SMG6: variants seen among roughly 807,000 people sequenced by gnomAD.
SMG6 encodes the protein SMG6 nonsense mediated mRNA decay factor.
Under a neutral mutation model 142.2 loss-of-function variants are expected in SMG6, and 66 were observed. That is an observed-to-expected ratio of 0.46 (90% CI 0.38 to 0.57). SMG6 has a LOEUF of 0.57. Ranked by LOEUF, SMG6 falls within the 20% of genes least tolerant of loss-of-function variation. The probability of loss-of-function intolerance (pLI) is 0.00; values close to 1 mark genes in which losing one functional copy is unlikely to be tolerated. For missense variants in SMG6, 1,793 were observed against 1,832.0 expected, an observed-to-expected ratio of 0.98 and a Z score of 0.39; for synonymous variants, 779 against 702.4, an observed-to-expected ratio of 1.11 and a Z score of -1.72.
chr17:2,264,009 A>C (rs939703403), intron 8 of SMG6, among the ~76,000 whole-genome samples: 7 of 152,072 alleles, frequency 4.6e-5, no homozygotes, highest in Admixed American at 4.6e-4. Context: ...AACACGGGAA[A>C]AACATAAAGG....
At chr17:2,244,917 A>T (rs1330225605) in intron 8 of SMG6, 198 bp from the exon 9 acceptor site, 1 of 587,686 alleles carries the variant, frequency 1.7e-6, no homozygotes, top group South Asian at 2.0e-5. Flanking sequence ...AGCCAAGATG[A>T]CAACAGGCTC....
intron 14 of SMG6, 187 bp from the exon 15 acceptor site, chr17:2,082,143 C>A: frequency 1.7e-6 from 1 of 600,830 alleles, no homozygotes; most frequent in East Asian, 2.8e-5. Context: ...TGTCACTCTT[C>A]CCCCGGAGCT....
At position 2,158,355 on chromosome 17, in the gene SMG6, GA is replaced by G. The variant is rs983604363; in HGVS notation, c.3357+14302del. On this transcript the variant is annotated intron_variant, in intron 13 of 18. Coordinates refer to ENST00000263073, the MANE Select transcript of SMG6 (RefSeq NM_017575.5). ...AGGGGTGTATGCATGAGCCAAAAAA[GA>G]AAAAAAAAAGTATTGCTAGATAAGC... Among the ~76,000 whole-genome samples the G allele has an allele frequency of 1.3e-4, 19 of 145,856 alleles. No homozygotes were observed. The South Asian group carries it at 2.8e-3, about 21-fold the overall frequency.
intron 13 of SMG6, among the ~76,000 whole-genome samples, chr17:2,135,559 T>C (rs1361777412): frequency 6.6e-6 from 1 of 152,182 alleles, no homozygotes; most frequent in Non-Finnish European, 1.5e-5. Context: ...CTTATGGCAA[T>C]AATGGAAATG....
intron 8 of SMG6, among the ~76,000 whole-genome samples, chr17:2,246,583 A>G (rs911135898): frequency 3.9e-5 from 6 of 152,248 alleles, no homozygotes; most frequent in African/African-American, 1.2e-4. Flanking sequence ...AAAGCTCAGA[A>G]TATTTCATTG....
intron 13 of SMG6, among the ~76,000 whole-genome samples, chr17:2,110,081 CAAAAAAAAA>C (rs57135671): frequency 1.1e-5 from 1 of 87,916 alleles, no homozygotes; most frequent in African/African-American, 3.0e-5. Context: ...GATTCCATCT[CAAAAAAAAA>C]AAAAAAAAAA....
rs1488473743 is a variant in SMG6 at position 2,077,384 on chromosome 17, A to AG, written c.3681+4425dup. Among the ~76,000 whole-genome samples the AG allele has an allele frequency of 1.6e-4, 24 of 151,914 alleles. No homozygotes were observed. In the East Asian group the frequency reaches 4.6e-3, roughly 29 times the overall value. ...AGACGGATTCCTCCTGGGGGAGACC[A>AG]GGGGGGGCTTCACTGGGGAAGTGGA... On this transcript the variant is annotated intron_variant, in intron 15 of 18. Coordinates refer to ENST00000263073, the MANE Select transcript of SMG6 (RefSeq NM_017575.5).
rs781654620 is a variant in SMG6 at position 2,300,361 on chromosome 17, C to T, written c.392G>A (p.Ser131Asn). The T allele has an allele frequency of 3.1e-6, 5 of 1,613,796 alleles. No homozygotes were observed. The Admixed American group carries it at 5.0e-5, about 16-fold the overall frequency. The change falls in exon 2 of 19, where the codon AGT becomes AAT. Residue 131 changes from serine (S) to asparagine (N), a missense_variant. Ser to Asn is a conservative substitution (Grantham distance 46). Coordinates refer to ENST00000263073, the MANE Select transcript of SMG6 (RefSeq NM_017575.5). Reference protein sequence around the residue: ...FPRTAGQEDRSLKIIKRTKKP... With the variant: ...FPRTAGQEDRNLKIIKRTKKP... ...CTTTGTTCTTTTGATAATTTTTAGACTACGATCCTCTTGTCCAGCAGTCCT... is the reference window on the plus strand; with the variant it reads ...CTTTGTTCTTTTGATAATTTTTAGATTACGATCCTCTTGTCCAGCAGTCCT...
At position 2,303,615 on chromosome 17, in the gene SMG6, C is replaced by T; in HGVS notation, c.88+18G>A. 6.9e-7 allele frequency: 1 copy of T among 1,439,542 alleles called. No individual in the cohort carries two copies. Among genetic ancestry groups the T allele is most frequent in the Non-Finnish European group, 9.1e-7 (1 of 1,100,820 alleles). 89.2% of individuals were successfully genotyped at this position (1,439,542 alleles called of 1,614,324 possible). ...GGGGCGGGCAGGCCCGGCCCAGGAG[C>T]TGGGCGGCGCGACTCACCTCTGCTC... On this transcript the variant is annotated intron_variant, in intron 1 of 18. Transcript: ENST00000263073.
intron 13 of SMG6, among the ~76,000 whole-genome samples, chr17:2,128,256 G>A (rs997036333): frequency 1.3e-5 from 2 of 152,212 alleles, no homozygotes; most frequent in African/African-American, 4.8e-5. Flanking sequence ...AGCAGCGGCG[G>A]TCAAGTGCAG....
chr17:2,275,466 C>G (rs1342441205), intron 8 of SMG6, among the ~76,000 whole-genome samples: 1 of 152,042 alleles, frequency 6.6e-6, no homozygotes, highest in Admixed American at 6.6e-5. Context: ...TATCATCTAT[C>G]AACCACTCCC....
At chr17:2,283,801 G>T in intron 6 of SMG6, 66 bp from the exon 7 acceptor site, 3 of 1,275,012 alleles carry the variant, frequency 2.4e-6, no homozygotes, top group South Asian at 1.2e-5. Flanking sequence ...AGAGGCAGCT[G>T]ACTCAGGAAA....
At chr17:2,088,113 C>A in intron 13 of SMG6, 1 of 985,424 alleles carries the variant, frequency 1.0e-6, no homozygotes, top group Non-Finnish European at 1.2e-6. Flanking sequence ...TACACTGGCA[C>A]CCCTGCTAAG....
chr17:2,276,286 G>A (rs1379784583), intron 8 of SMG6, among the ~76,000 whole-genome samples: 2 of 152,086 alleles, frequency 1.3e-5, no homozygotes, highest in Non-Finnish European at 1.5e-5. Flanking sequence ...AATACACAAA[G>A]CATACACACG....
intron 13 of SMG6, among the ~76,000 whole-genome samples, chr17:2,128,702 T>C (rs2069989477): frequency 6.6e-6 from 1 of 151,550 alleles, no homozygotes; most frequent in Non-Finnish European, 1.5e-5. Flanking sequence ...CGTGCACCTG[T>C]AGGCCCAGCT....
intron 13 of SMG6, among the ~76,000 whole-genome samples, chr17:2,153,997 T>C (rs1346591246): frequency 2.9e-5 from 3 of 104,604 alleles, no homozygotes; most frequent in East Asian, 3.2e-4. Context: ...TGACGGTGAC[T>C]GGGGAAACCT....
intron 18 of SMG6, among the ~76,000 whole-genome samples, chr17:2,063,943 A>G (rs958407130): frequency 2.6e-4 from 39 of 152,140 alleles, no homozygotes; most frequent in African/African-American, 8.4e-4. Flanking sequence ...TTTAATGCTC[A>G]TATCTGGTCC....
chr17:2,258,594 G>C (rs1326438345), intron 8 of SMG6, among the ~76,000 whole-genome samples: 2 of 139,248 alleles, frequency 1.4e-5, no homozygotes, highest in East Asian at 4.0e-4. Context: ...TTTGAACCTA[G>C]GAATTCAAGA....
intron 4 of SMG6, among the ~76,000 whole-genome samples, chr17:2,295,492 T>C (rs1481262469): frequency 6.6e-6 from 1 of 152,216 alleles, no homozygotes; most frequent in Non-Finnish European, 1.5e-5. Flanking sequence ...GCTTTATCTC[T>C]CTTCACTACA....
Sources: allele counts gnomAD v4.1 joint callset (sites outside exome capture counted in the v4.1 genomes callset), GRCh38; gene constraint gnomAD v4.1.1; transcripts MANE v1.5; gene names NCBI Gene and HGNC (gene_info 2026-07-23, HGNC 2026-07-21).